Variants in SERINC3 observed in about 807,000 individuals in gnomAD.
The protein encoded by SERINC3 is serine incorporator 3.
A neutral mutation model predicts 52.1 loss-of-function variants in SERINC3; 22 were observed. The observed-to-expected ratio is 0.42, with a 90% CI of 0.30 to 0.60. The LOEUF (loss-of-function observed/expected upper bound fraction) is 0.60, where lower values mean the gene tolerates loss of function less well. SERINC3 is among the 20% of genes least tolerant of loss of function. SERINC3 has a pLI of 0.16. For synonymous variants in SERINC3, 226 were observed against 212.7 expected, an observed-to-expected ratio of 1.06 and a Z score of -0.54; for missense variants, 564 against 584.6, an observed-to-expected ratio of 0.96 and a Z score of 0.36.
intron 1 of SERINC3, among the ~76,000 whole-genome samples, chr20:44,515,102 C>T (rs1373285369): frequency 6.6e-6 from 1 of 152,124 alleles, no homozygotes; most frequent in Non-Finnish European, 1.5e-5. Context: ...ACCTGTAATC[C>T]CAGCACTTTG....
At chr20:44,503,689 A>G in intron 8 of SERINC3, 126 bp downstream of exon 8, 2 of 728,596 alleles carry the variant, frequency 2.7e-6, no homozygotes, top group Non-Finnish European at 4.4e-6. Context: ...TGAAGCAAGT[A>G]AAGAACTTTT....
rs1568785612 is a variant in SERINC3 at position 44,504,908 on chromosome 20, A to C, written c.784-17T>G. The C allele has an allele frequency of 5.6e-6, 9 of 1,606,118 alleles. No homozygotes were observed. The highest frequency in any genetic ancestry group is 1.7e-4 in the Middle Eastern group (1 of 6,048). On this transcript the variant is annotated splice_polypyrimidine_tract_variant and intron_variant, in intron 6 of 9. Coordinates refer to ENST00000342374, the MANE Select transcript of SERINC3 (RefSeq NM_006811.4). ...CTGGTGTTCCTATGGAATCAAAAGG[A>C]AAACAGTGGCACAGGGACTGCCAAG...
At chr20:44,500,525 C>T (rs1431157660) in intron 9 of SERINC3, 91 bp from the exon 10 acceptor site, 8 of 1,464,014 alleles carry the variant, frequency 5.5e-6, no homozygotes, top group Non-Finnish European at 6.5e-6. Context: ...CCAAGAAATT[C>T]TCCAGTGAAA....
At chr20:44,517,023 T>C (rs2123070401) in intron 1 of SERINC3, among the ~76,000 whole-genome samples, 1 of 152,334 alleles carries the variant, frequency 6.6e-6, no homozygotes, top group African/African-American at 2.4e-5. Flanking sequence ...CTTCATTTTT[T>C]TATAGATGGT....
At chr20:44,518,141 A>ATC (rs1343360114) in intron 1 of SERINC3, among the ~76,000 whole-genome samples, 4 of 152,044 alleles carry the variant, frequency 2.6e-5, no homozygotes, top group African/African-American at 9.7e-5. Context: ...AAAAGTTCCC[A>ATC]TCTCACAGCT....
At chr20:44,519,380 G>A in intron 1 of SERINC3, 1 of 975,684 alleles carries the variant, frequency 1.0e-6, no homozygotes, top group Non-Finnish European at 1.2e-6. Context: ...CCTGGCGTGA[G>A]CCACCATGCC....
At chr20:44,508,178 C>T (rs1251899966) in intron 5 of SERINC3, among the ~76,000 whole-genome samples, 2 of 152,066 alleles carry the variant, frequency 1.3e-5, no homozygotes, top group African/African-American at 2.4e-5. Flanking sequence ...GTTGTATGAT[C>T]CAAAATGAAT....
intron 6 of SERINC3, 42 bp from the exon 7 acceptor site, chr20:44,504,933 G>A: frequency 6.5e-7 from 1 of 1,526,720 alleles, no homozygotes; most frequent in African/African-American, 1.4e-5. Context: ...GGACTGCCAA[G>A]GGCTGACTTT....
intron 4 of SERINC3, among the ~76,000 whole-genome samples, chr20:44,510,303 C>G (rs142218939): frequency 1.3e-5 from 2 of 152,262 alleles, no homozygotes; most frequent in East Asian, 1.9e-4. Flanking sequence ...CAGTAGAAAT[C>G]TAAAGATGTC....
intron 1 of SERINC3, 125 bp from the exon 2 acceptor site, chr20:44,514,165 G>T: frequency 9.5e-7 from 1 of 1,057,998 alleles, no homozygotes; most frequent in Non-Finnish European, 1.3e-6. Context: ...ATCATGGCTG[G>T]GAGGAAGTGG....
chr20:44,517,998 A>C (rs915208370), intron 1 of SERINC3, among the ~76,000 whole-genome samples: 2 of 152,152 alleles, frequency 1.3e-5, no homozygotes, highest in East Asian at 3.8e-4. Flanking sequence ...CCCTTTTCCC[A>C]AAATCCTCAT....
intron 5 of SERINC3, 41 bp downstream of exon 5, chr20:44,509,848 TAA>T (rs759832559): frequency 6.2e-7 from 1 of 1,601,910 alleles, no homozygotes; most frequent in Admixed American, 1.7e-5. Flanking sequence ...ACACCGTGCT[TAA>T]TGTAGCAGTA....
intron 1 of SERINC3, among the ~76,000 whole-genome samples, chr20:44,515,482 T>C (rs1395812697): frequency 6.6e-6 from 1 of 152,166 alleles, no homozygotes; most frequent in Non-Finnish European, 1.5e-5. Flanking sequence ...AGTGCATTTA[T>C]ATAATAAAAT....
intron 1 of SERINC3, among the ~76,000 whole-genome samples, chr20:44,518,391 C>G (rs1038621676): frequency 1.3e-5 from 2 of 149,462 alleles, no homozygotes; most frequent in African/African-American, 2.5e-5. Context: ...GCTGAAGCAT[C>G]TGAGCTTCAA....
intron 1 of SERINC3, among the ~76,000 whole-genome samples, chr20:44,515,235 C>T (rs568357862): frequency 6.6e-6 from 1 of 151,974 alleles, no homozygotes; most frequent in South Asian, 2.1e-4. Flanking sequence ...ATGCCTGTGG[C>T]CCCAACTACT....
chr20:44,511,244 G>A (rs772039293), intron 4 of SERINC3, 45 bp downstream of exon 4: 2 of 1,320,286 alleles, frequency 1.5e-6, no homozygotes, highest in Admixed American at 3.5e-5. Flanking sequence ...ATCATCTATA[G>A]AGTTTATATA....
Position 44,501,059 on chromosome 20 carries a change from T to C in SERINC3, c.1283+14A>G. ...GTTTTATGGTCTTCTGTCTGTTTTG[T>C]CTGTGTCTCCTACCTGTACCAGCTG... On this transcript the variant is annotated intron_variant, in intron 9 of 9. Coordinates refer to ENST00000342374, the MANE Select transcript of SERINC3 (RefSeq NM_006811.4). The C allele has an allele frequency of 1.9e-6, 3 of 1,595,218 alleles. No individual in the cohort carries two copies. Among genetic ancestry groups the C allele is most frequent in the Non-Finnish European group, 1.7e-6 (2 of 1,162,892 alleles).
chr20:44,522,011 G>C lies in SERINC3; in HGVS notation c.-60C>G. ...GCTGCTTTCTAACACGGTGGTAACT[G>C]CCAGCTGAGGTGACTCCCCAGAAAC... On this transcript the variant is annotated 5_prime_UTR_variant, in exon 1 of 10. Transcript: ENST00000342374. The C allele has an allele frequency of 1.3e-6, 2 of 1,515,238 alleles. No individual in the cohort carries two copies. Among genetic ancestry groups the C allele is most frequent in the Non-Finnish European group, 1.8e-6 (2 of 1,111,908 alleles). 93.9% of individuals were successfully genotyped at this position (1,515,238 alleles called of 1,614,324 possible). A position where few individuals can be genotyped will look rare whatever the true frequency, so the allele number is the denominator to read the frequency against.
chr20:44,521,221 T>C (rs1381748541), intron 1 of SERINC3, among the ~76,000 whole-genome samples: 1 of 152,242 alleles, frequency 6.6e-6, no homozygotes, highest in African/African-American at 2.4e-5. Context: ...AGTGGGTAAA[T>C]GAGGGAACTC....
Sources: gnomAD v4.1 joint callset for allele counts (sites outside exome capture counted in the v4.1 genomes callset) on GRCh38, gnomAD v4.1.1 for gene constraint, MANE v1.5 for transcripts, NCBI Gene and HGNC (gene_info 2026-07-23, HGNC 2026-07-21) for gene names.